Variants in SHKBP1 observed in about 807,000 individuals in gnomAD.
SHKBP1 encodes the protein SH3KBP1-binding protein 1.
SHKBP1 carries 71 observed loss-of-function variants against 83.9 expected under a neutral mutation model. The observed-to-expected ratio is 0.85, with a 90% CI of 0.70 to 1.03. SHKBP1 has a LOEUF of 1.03. Among genes scored for constraint, SHKBP1 ranks in the 50% least tolerant of loss-of-function variants. The pLI is 0.00. For synonymous variants in SHKBP1, 371 were observed against 398.0 expected (o/e 0.93, Z 0.81); for missense variants, 824 against 982.4 (o/e 0.84, Z 2.16).
chr19:40,589,002 G>A (rs2081334587), intron 14 of SHKBP1, 80 bp from the exon 15 acceptor site: 8 of 1,459,354 alleles, frequency 5.5e-6, no homozygotes, highest in Admixed American at 5.1e-5. Flanking sequence ...TCTTGGGGTG[G>A]TGGGTTTCAT....
chr19:40,584,902 T>C (rs1011249793), intron 12 of SHKBP1, among the ~76,000 whole-genome samples: 2 of 152,226 alleles, frequency 1.3e-5, no homozygotes, highest in African/African-American at 4.8e-5. Flanking sequence ...GATCATACAT[T>C]ATATGGTCTT....
chr19:40,588,149 G>A (rs1330192273), intron 13 of SHKBP1, among the ~76,000 whole-genome samples: 2 of 152,182 alleles, frequency 1.3e-5, no homozygotes, highest in Non-Finnish European at 2.9e-5. Flanking sequence ...AGGAAGTGCA[G>A]GGAGCCACTT....
At position 40,590,241 on chromosome 19, in the gene SHKBP1, C is replaced by A. The variant is rs749361347; in HGVS notation, c.1590-3C>A. 2.5e-6 allele frequency: 4 copies of A among 1,576,540 alleles called. No homozygotes were observed. In the South Asian group the frequency reaches 4.6e-5, roughly 18 times the overall value. On this transcript the variant is annotated splice_polypyrimidine_tract_variant and splice_region_variant and intron_variant, in intron 15 of 17. Transcript: ENST00000291842. This position sits in a 1 kb window ranked among gnomAD's most constrained non-coding sequence, Gnocchi z 4.6. ...TGACCACCTCCCCCACTGCACCCCC[C>A]AGGGTGTGCTCCGTGCGCTCCGTGG...
At chr19:40,585,056 T>C (rs1452252041) in intron 12 of SHKBP1, among the ~76,000 whole-genome samples, 2 of 152,162 alleles carry the variant, frequency 1.3e-5, no homozygotes, top group Non-Finnish European at 2.9e-5. Flanking sequence ...TACATGGAAG[T>C]CTGTTCTATC....
At position 40,576,914 on chromosome 19, in the gene SHKBP1, T is replaced by A. The variant is rs2081215965; in HGVS notation, c.15T>A (p.Ala5=). 6.8e-7 allele frequency: 1 copy of A among 1,475,366 alleles called. No homozygotes were observed. Among genetic ancestry groups the A allele is most frequent in the South Asian group, 1.4e-5 (1 of 71,240 alleles). 91.4% of individuals were successfully genotyped at this position (1,475,366 alleles called of 1,614,324 possible). A position where few individuals can be genotyped will look rare whatever the true frequency, so the allele number is the denominator to read the frequency against. The change falls in exon 1 of 18, where the codon GCT becomes GCA. Residue 5 remains alanine (A), a synonymous_variant. Coordinates refer to ENST00000291842, the MANE Select transcript of SHKBP1 (RefSeq NM_138392.4). ...GCCCGGGGGCCATGGCAGCAGCGGC[T>A]ACTGCAGCCGAGGGGGTCCCCAGTC... MAAA[A]TAAEGVPSRG... is the part of the protein sequence containing the mutation.
chr19:40,590,447 C>G lies in SHKBP1; in HGVS notation c.1768+25C>G. 6.3e-7 allele frequency: 1 copy of G among 1,582,062 alleles called. No individual in the cohort carries two copies. The highest frequency in any genetic ancestry group is 8.6e-7 in the Non-Finnish European group (1 of 1,163,164). On this transcript the variant is annotated intron_variant, in intron 16 of 17. Coordinates refer to ENST00000291842, the MANE Select transcript of SHKBP1 (RefSeq NM_138392.4). The surrounding 1 kb of genome is among the most constrained non-coding windows in gnomAD (Gnocchi z 4.6). ...GGTACTCCCTGCCCCACCCCAATCC[C>G]GTCCCAAGCCCCACAGCCTCACCCA...
Position 40,591,344 on chromosome 19 carries a change from T to G in SHKBP1, c.*137T>G. ...GGTTATTGTTACTAGGTCCCCACCT[T>G]CCCTCTTTTCTGGAAGCCAAAGTCA... is the stretch of plus-strand genomic sequence containing the variant. On this transcript the variant is annotated 3_prime_UTR_variant, in exon 18 of 18. Coordinates refer to ENST00000291842, the MANE Select transcript of SHKBP1 (RefSeq NM_138392.4). 1.4e-6 allele frequency: 1 copy of G among 702,774 alleles called. No individual in the cohort carries two copies. Among genetic ancestry groups the G allele is most frequent in the Non-Finnish European group, 2.2e-6 (1 of 454,410 alleles). The allele number at this position is 702,774 out of a possible 1,614,324, so 43.5% of individuals were successfully genotyped here. A position where few individuals can be genotyped will look rare whatever the true frequency, so the allele number is the denominator to read the frequency against.
rs557717062 is a variant in SHKBP1, at chr19:40,580,810, C to T, written c.718C>T (p.Arg240Ter). Residue 240 changes from arginine to a stop codon, truncating the protein, a stop_gained, in exon 9 of 18, where the codon CGA becomes TGA. Transcript: ENST00000291842. LOFTEE classifies it high-confidence loss of function. ...CCCCCGCCTGGACTGGCCCATCGAA[C>T]GACTGGCGCTCACAGCCCGGGTGCA... is the stretch of plus-strand genomic sequence containing the variant. ...SSPRLDWPIE[R>*]LALTARVHGG... 16 of 1,613,074 alleles carry T rather than the reference C, an allele frequency of 9.9e-6. No homozygotes were observed. Among genetic ancestry groups the T allele is most frequent in the East Asian group, 2.2e-5 (1 of 44,850 alleles).
At chr19:40,586,733 C>T (rs1438208970) in intron 12 of SHKBP1, 41 bp from the exon 13 acceptor site, 10 of 1,468,890 alleles carry the variant, frequency 6.8e-6, no homozygotes, top group Non-Finnish European at 9.1e-6. Flanking sequence ...GTTTCTGTCT[C>T]TGTGGCCCAG....
In SHKBP1 at chr19:40,588,582, C is replaced by T. The variant is rs374864790; in HGVS notation, c.1337-42C>T. On this transcript the variant is annotated intron_variant, in intron 13 of 17. Transcript: ENST00000291842. ...TCTGGACGGGCAGGCAGCATTGATGCCTGCACCAGGCCTGACTTCCTGCTC... is the reference window on the plus strand; with the variant it reads ...TCTGGACGGGCAGGCAGCATTGATGTCTGCACCAGGCCTGACTTCCTGCTC... 2.0e-5 allele frequency: 33 copies of T among 1,611,836 alleles called. No individual in the cohort carries two copies. The African/African-American group carries it at 3.1e-4, about 15-fold the overall frequency.
chr19:40,579,292 AT>A (rs2081247926), intron 6 of SHKBP1, among the ~76,000 whole-genome samples: 2 of 152,150 alleles, frequency 1.3e-5, no homozygotes, highest in African/African-American at 2.4e-5. Flanking sequence ...AATTAAAAAA[AT>A]AATAATCATT....
At chr19:40,586,109 A>G (rs923622207) in intron 12 of SHKBP1, among the ~76,000 whole-genome samples, 6 of 152,038 alleles carry the variant, frequency 3.9e-5, no homozygotes, top group Admixed American at 1.3e-4. Flanking sequence ...GGGTCTCACT[A>G]TGTTGCCCAG....
chr19:40,580,360 T>G lies in SHKBP1; in HGVS notation c.437T>G (p.Val146Gly). The change falls in exon 7 of 18, where the codon GTG becomes GGG. Residue 146 changes from valine to glycine, a missense_variant. Physicochemically the swap from Val to Gly is moderately radical, Grantham distance 109. Around this residue, in one of 3 missense-constraint regions of SHKBP1, gnomAD observed 355 missense variants for 386.4 expected, o/e 0.92. Coordinates refer to ENST00000291842, the MANE Select transcript of SHKBP1 (RefSeq NM_138392.4). ...PVKRRNRHSL[V>G]GPQQLGGRPA... ...AAGCGGCGGAACCGGCACAGCCTAG[T>G]GGGGCCTCAGCAGCTAGGAGGACGG... The G allele has an allele frequency of 6.2e-7, 1 of 1,614,206 alleles. No individual in the cohort carries two copies.
chr19:40,588,180 G>A (rs2081327139), intron 13 of SHKBP1, among the ~76,000 whole-genome samples: 1 of 152,234 alleles, frequency 6.6e-6, no homozygotes, highest in African/African-American at 2.4e-5. Flanking sequence ...CAGAGTAAAT[G>A]AGGGGGAGAA....
chr19:40,582,767 C>A (rs963492842), intron 10 of SHKBP1, among the ~76,000 whole-genome samples: 11 of 152,000 alleles, frequency 7.2e-5, no homozygotes, highest in Non-Finnish European at 1.5e-4. Context: ...AAGACAAGAA[C>A]TGGCTTGGCT....
Position 40,588,562 on chromosome 19 carries a change from A to G in SHKBP1, c.1337-62A>G. On this transcript the variant is annotated intron_variant, in intron 13 of 17. Transcript: ENST00000291842. ...AAACGGGGCTGTCCTGAGGCTCTGGACGGGCAGGCAGCATTGATGCCTGCA... is the reference window on the plus strand; with the variant it reads ...AAACGGGGCTGTCCTGAGGCTCTGGGCGGGCAGGCAGCATTGATGCCTGCA... The G allele has an allele frequency of 2.5e-6, 4 of 1,601,410 alleles. No individual in the cohort carries two copies. The Middle Eastern group carries it at 5.1e-4, about 203-fold the overall frequency.
Position 40,590,262 on chromosome 19 carries a change from C to A in SHKBP1, c.1608C>A (p.Ser536=). ...CCCCCAGGGTGTGCTCCGTGCGCTCCGTGGACGGCTCACCCACGACAGCCT... is the reference window on the plus strand; with the variant it reads ...CCCCCAGGGTGTGCTCCGTGCGCTCAGTGGACGGCTCACCCACGACAGCCT... ...STGQRVCSVR[S]VDGSPTTAFT... Residue 536 remains serine (S), a synonymous_variant, in exon 16 of 18, where the codon TCC becomes TCA. Coordinates refer to ENST00000291842, the MANE Select transcript of SHKBP1 (RefSeq NM_138392.4). The surrounding 1 kb of genome is among the most constrained non-coding windows in gnomAD (Gnocchi z 4.6). 1 of 1,599,810 alleles carries A rather than the reference C, an allele frequency of 6.3e-7. No individual in the cohort carries two copies. Among genetic ancestry groups the A allele is most frequent in the Admixed American group, 1.7e-5 (1 of 58,650 alleles).
intron 4 of SHKBP1, 184 bp from the exon 5 acceptor site, chr19:40,577,970 C>G (rs2081233780): frequency 3.0e-6 from 2 of 676,334 alleles, no homozygotes; most frequent in African/African-American, 1.8e-5. Context: ...CACACACACA[C>G]ACACACACAC....
Position 40,586,850 on chromosome 19 carries a change from G to A in SHKBP1, c.1242G>A (p.Glu414=). 1.2e-6 allele frequency: 2 copies of A among 1,610,918 alleles called. No individual in the cohort carries two copies. The highest frequency in any genetic ancestry group is 2.2e-5 in the South Asian group (2 of 90,754). Residue 414 remains glutamate, a synonymous_variant, in exon 13 of 18, where the codon GAG becomes GAA. Transcript: ENST00000291842. ...TGCGGGTCATCGTGCAGCACCCGGAGACTGTGGGCTCGGGGCCTCAGCTCT... is the reference window on the plus strand; with the variant it reads ...TGCGGGTCATCGTGCAGCACCCGGAAACTGTGGGCTCGGGGCCTCAGCTCT... ...GGVRVIVQHP[E]TVGSGPQLFQ... is the part of the protein sequence containing the mutation.
Sources: allele counts gnomAD v4.1 joint callset (sites outside exome capture counted in the v4.1 genomes callset), GRCh38; gene constraint gnomAD v4.1.1; regional missense constraint gnomAD v4.1.1; non-coding constraint Gnocchi (gnomAD v3.1); transcripts MANE v1.5; gene names NCBI Gene and HGNC (gene_info 2026-07-23, HGNC 2026-07-21).